CNTNAP2: variants seen among roughly 807,000 people sequenced by gnomAD.
CNTNAP2 encodes contactin associated protein 2, also known as contactin-associated protein-like 2.
A neutral mutation model predicts 155.2 loss-of-function variants in CNTNAP2; 98 were observed. That is an observed-to-expected ratio of 0.63 (90% CI 0.54 to 0.75). The LOEUF is 0.75. Ranked by LOEUF, CNTNAP2 falls within the 30% of genes least tolerant of loss-of-function variation. The pLI is 0.00. For synonymous variants in CNTNAP2, 651 were observed against 631.2 expected (o/e 1.03, Z -0.47); for missense variants, 1,727 against 1,688.1 (o/e 1.02, Z -0.40).
At chr7:147,070,313 C>G (rs1454920127) in intron 4 of CNTNAP2, among the ~76,000 whole-genome samples, 2 of 152,182 alleles carry the variant, frequency 1.3e-5, no homozygotes, top group African/African-American at 4.8e-5. Flanking sequence ...TATAAATAGA[C>G]ATAAATGCAG....
At chr7:146,935,341 A>T (rs1309002559) in intron 3 of CNTNAP2, among the ~76,000 whole-genome samples, 1 of 152,228 alleles carries the variant, frequency 6.6e-6, no homozygotes, top group African/African-American at 2.4e-5. Context: ...AGCCAGACTT[A>T]TATGTAGATA....
chr7:146,590,285 G>T (rs1442603297), intron 1 of CNTNAP2, among the ~76,000 whole-genome samples: 1 of 152,062 alleles, frequency 6.6e-6, no homozygotes, highest in Non-Finnish European at 1.5e-5. Context: ...CAAATATTTA[G>T]TTATCAGGAA....
chr7:146,858,882 G>A (rs1449922739), intron 3 of CNTNAP2, among the ~76,000 whole-genome samples: 1 of 151,966 alleles, frequency 6.6e-6, no homozygotes, highest in African/African-American at 2.4e-5. Context: ...AAGTAATGTT[G>A]TACATGTCAG....
intron 2 of CNTNAP2, among the ~76,000 whole-genome samples, chr7:146,812,442 A>T (rs138339769): frequency 0.048 from 6,735 of 141,724 alleles, 210 homozygotes; most frequent in East Asian, 0.11. Context: ...TATATATATA[A>T]AAAATATATA....
chr7:147,532,978 A>G (rs2116729159), intron 11 of CNTNAP2, among the ~76,000 whole-genome samples: 1 of 152,330 alleles, frequency 6.6e-6, no homozygotes, highest in Non-Finnish European at 1.5e-5. Context: ...TGTATTAAAT[A>G]ATATGATTCC....
intron 1 of CNTNAP2, among the ~76,000 whole-genome samples, chr7:146,395,380 A>G (rs1357816610): frequency 1.3e-5 from 2 of 152,102 alleles, no homozygotes; most frequent in Non-Finnish European, 1.5e-5. Context: ...ATTATTCTTG[A>G]TTTCAAATAA....
intron 1 of CNTNAP2, among the ~76,000 whole-genome samples, chr7:146,520,027 C>G (rs1797595217): frequency 1.3e-5 from 2 of 151,592 alleles, no homozygotes; most frequent in South Asian, 4.2e-4. Context: ...AAGCTCTTTT[C>G]TTAGAGACTT....
chr7:147,068,805 C>T (rs148597632), intron 4 of CNTNAP2, among the ~76,000 whole-genome samples: 380 of 152,326 alleles, frequency 2.5e-3, no homozygotes, highest in Middle Eastern at 6.8e-3. Flanking sequence ...CCCTACATTG[C>T]ATAAGCCAAT....
At chr7:148,213,888 T>C (rs138216490) in intron 18 of CNTNAP2, among the ~76,000 whole-genome samples, 1 of 152,244 alleles carries the variant, frequency 6.6e-6, no homozygotes, top group East Asian at 1.9e-4. Flanking sequence ...AGCTGAAATG[T>C]GGTGGGAGCC....
chr7:147,377,386 C>T (rs1203522412), intron 9 of CNTNAP2, among the ~76,000 whole-genome samples: 3 of 151,638 alleles, frequency 2.0e-5, no homozygotes, highest in African/African-American at 4.8e-5. Flanking sequence ...AGTTTTAGTT[C>T]TCTTTTTTAA....
At chr7:147,029,251 C>G (rs1033535556) in intron 3 of CNTNAP2, among the ~76,000 whole-genome samples, 1 of 152,128 alleles carries the variant, frequency 6.6e-6, no homozygotes, top group African/African-American at 2.4e-5. Flanking sequence ...GCGTGAGCCA[C>G]TGCGCCGGGC....
At chr7:148,354,944 C>T (rs1798486778) in intron 21 of CNTNAP2, among the ~76,000 whole-genome samples, 1 of 151,888 alleles carries the variant, frequency 6.6e-6, no homozygotes, top group Non-Finnish European at 1.5e-5. Context: ...GCCTGAGTGT[C>T]AATGACAAAA....
chr7:147,016,561 A>C (rs1798727394), intron 3 of CNTNAP2, among the ~76,000 whole-genome samples: 1 of 151,900 alleles, frequency 6.6e-6, no homozygotes, highest in African/African-American at 2.4e-5. Context: ...TGAGTTGCAA[A>C]CTCTTGAAGG....
chr7:146,347,138 TAA>T (rs59530824), intron 1 of CNTNAP2, among the ~76,000 whole-genome samples: 13,103 of 93,522 alleles, frequency 0.14, 1,008 homozygotes, highest in African/African-American at 0.28. Context: ...CCATACTCTG[TAA>T]AAAAAAAAAA....
chr7:146,765,333 C>G (rs1011447630), intron 1 of CNTNAP2, among the ~76,000 whole-genome samples: 10 of 152,246 alleles, frequency 6.6e-5, no homozygotes, highest in African/African-American at 1.9e-4. Context: ...TGAAGTAGAT[C>G]TATGTGTAAG....
chr7:146,316,758 A>AT (rs112549607), intron 1 of CNTNAP2, among the ~76,000 whole-genome samples: 10,306 of 145,588 alleles, frequency 0.071, 766 homozygotes, highest in African/African-American at 0.19. Context: ...AGGTTTTTTA[A>AT]TTTTTTTTTT....
intron 1 of CNTNAP2, among the ~76,000 whole-genome samples, chr7:146,252,611 GC>G (rs1204249425): frequency 6.6e-6 from 1 of 152,186 alleles, no homozygotes; most frequent in African/African-American, 2.4e-5. Context: ...GAGTCTGAAA[GC>G]AAGCTTGGAG....
At chr7:147,233,808 TA>T (rs1803738558) in intron 8 of CNTNAP2, among the ~76,000 whole-genome samples, 1 of 152,070 alleles carries the variant, frequency 6.6e-6, no homozygotes, top group Non-Finnish European at 1.5e-5. Context: ...CAAAGATATA[TA>T]ATTTAAAATA....
At chr7:147,585,769 ATATATATGTGTGTGTGTGTG>A (rs1800607901) in intron 12 of CNTNAP2, among the ~76,000 whole-genome samples, 1 of 78,344 alleles carries the variant, frequency 1.3e-5, no homozygotes, top group Non-Finnish European at 2.4e-5. Context: ...GTTTGTGTGT[ATATATATGTGTGTGTGTGTG>A]TATATATGTG....
Sources: allele counts gnomAD v4.1 joint callset (sites outside exome capture counted in the v4.1 genomes callset), GRCh38; gene constraint gnomAD v4.1.1; transcripts MANE v1.5; gene names NCBI Gene and HGNC (gene_info 2026-07-23, HGNC 2026-07-21).